The following PARP1 variants were observed in gnomAD, a reference collection of about 807,000 sequenced individuals.
PARP1 encodes the protein poly [ADP-ribose] polymerase 1.
A neutral mutation model predicts 118.7 loss-of-function variants in PARP1; 44 were observed. That is an observed-to-expected ratio of 0.37 (90% CI 0.29 to 0.48). The LOEUF is 0.48. PARP1 is among the 20% of genes least tolerant of loss of function. The pLI is 0.99. For synonymous variants in PARP1, 492 were observed against 483.2 expected, an observed-to-expected ratio of 1.02 and a Z score of -0.24; for missense variants, 1,100 against 1,272.4, an observed-to-expected ratio of 0.86 and a Z score of 2.06.
At chr1:226,367,075 C>T (rs1345829043) in intron 17 of PARP1, 35 of 275,064 alleles carry the variant, frequency 1.3e-4, no homozygotes. Context: ...TCAAGCATTT[C>T]CACTTCTGAA....
At chr1:226,399,976 T>C (rs551316018) in intron 2 of PARP1, among the ~76,000 whole-genome samples, 2 of 150,492 alleles carry the variant, frequency 1.3e-5, no homozygotes, top group Non-Finnish European at 3.0e-5. Context: ...GCACCCCAGC[T>C]TGGGTGACAG....
In PARP1 at chr1:226,402,398, G is replaced by C. The variant is rs760228764; in HGVS notation, c.121-19C>G. ...TGGGCGACTAGAAGGAAGAGAAACA[G>C]AGGGAAGTAAGTAAGCAGTTAACTT... On this transcript the variant is annotated intron_variant, in intron 1 of 22. Transcript: ENST00000366794. 1 of 1,608,960 alleles carries C rather than the reference G, an allele frequency of 6.2e-7. No individual in the cohort carries two copies. Among genetic ancestry groups the C allele is most frequent in the Non-Finnish European group, 8.5e-7 (1 of 1,178,888 alleles).
chr1:226,402,105 T>C (rs1490925178), intron 2 of PARP1, 109 bp downstream of exon 2: 1 of 1,601,152 alleles, frequency 6.2e-7, no homozygotes. Context: ...GATCTGCACA[T>C]GTGGGAGAGG....
chr1:226,386,514 G>T, intron 5 of PARP1, 72 bp from the exon 6 acceptor site: 1 of 984,926 alleles, frequency 1.0e-6, no homozygotes, highest in Non-Finnish European at 1.6e-6. Flanking sequence ...GAGGAGCCCT[G>T]GTCATGCTGA....
chr1:226,385,735 C>T (rs904663824), intron 6 of PARP1, 55 bp from the exon 7 acceptor site: 17 of 1,490,946 alleles, frequency 1.1e-5, no homozygotes, highest in Non-Finnish European at 1.5e-5. Context: ...CAAAAAAGGA[C>T]ACTTACTAAT....
chr1:226,363,466 T>C (rs561215256), intron 20 of PARP1, among the ~76,000 whole-genome samples: 34 of 152,304 alleles, frequency 2.2e-4, no homozygotes, highest in Non-Finnish European at 1.0e-4. Context: ...CCCAGACCCC[T>C]GGCCTTTTAC....
At chr1:226,401,911 G>C in intron 2 of PARP1, 1 of 1,294,952 alleles carries the variant, frequency 7.7e-7, no homozygotes, top group African/African-American at 1.5e-5. Context: ...GGAGGGGGAG[G>C]GGGTACTGGA....
At chr1:226,383,288 T>C in intron 7 of PARP1, 105 bp from the exon 8 acceptor site, 2 of 899,554 alleles carry the variant, frequency 2.2e-6, no homozygotes, top group Non-Finnish European at 3.6e-6. Flanking sequence ...TCTCTTTTTT[T>C]CTTCTTACAA....
intron 3 of PARP1, 135 bp from the exon 4 acceptor site, chr1:226,390,759 G>A (rs1664808391): frequency 2.6e-6 from 2 of 761,164 alleles, no homozygotes; most frequent in African/African-American, 1.7e-5. Context: ...GAAGACTCAT[G>A]AGCTTTTGAG....
chr1:226,361,412 G>A lies in PARP1; in HGVS notation c.*48C>T. ...GTGAGTTGGTGCAGAAGCGCTTCGG[G>A]TGAATTCATACCAGAGCCACCGGGT... On this transcript the variant is annotated 3_prime_UTR_variant, in exon 23 of 23. Coordinates refer to ENST00000366794, the MANE Select transcript of PARP1 (RefSeq NM_001618.4). The A allele has an allele frequency of 7.7e-7, 1 of 1,300,268 alleles. No individual in the cohort carries two copies. Among genetic ancestry groups the A allele is most frequent in the Non-Finnish European group, 1.1e-6 (1 of 896,388 alleles). 80.5% of individuals were successfully genotyped at this position (1,300,268 alleles called of 1,614,324 possible). A position where few individuals can be genotyped will look rare whatever the true frequency, so the allele number is the denominator to read the frequency against.
intron 8 of PARP1, among the ~76,000 whole-genome samples, chr1:226,381,480 C>T (rs193051860): frequency 7.8e-4 from 119 of 152,350 alleles, no homozygotes; most frequent in African/African-American, 2.7e-3. Context: ...TGCGGGTTAC[C>T]CCAGGTCCGC....
intron 2 of PARP1, among the ~76,000 whole-genome samples, chr1:226,393,869 T>C (rs1001454490): frequency 5.3e-5 from 8 of 152,164 alleles, no homozygotes; most frequent in Non-Finnish European, 5.9e-5. Context: ...ATTCCAGATA[T>C]AATACCAAAG....
chr1:226,386,301 C>T (rs1664715325), intron 6 of PARP1, 25 bp downstream of exon 6: 2 of 1,416,806 alleles, frequency 1.4e-6, no homozygotes, highest in Admixed American at 1.7e-5. Flanking sequence ...ACATGCGTGT[C>T]CCACTTAACA....
intron 2 of PARP1, among the ~76,000 whole-genome samples, chr1:226,400,758 G>T (rs538875792): frequency 5.6e-4 from 85 of 152,348 alleles, no homozygotes; most frequent in African/African-American, 2.0e-3. Flanking sequence ...GTCTGGAAGT[G>T]CAGAGAACCA....
intron 17 of PARP1, 100 bp from the exon 18 acceptor site, chr1:226,366,152 C>T: frequency 1.2e-6 from 1 of 812,726 alleles, no homozygotes; most frequent in Non-Finnish European, 2.1e-6. Flanking sequence ...ACACCACACT[C>T]CTCAAAGGAA....
intron 2 of PARP1, chr1:226,392,832 T>C: frequency 1.8e-6 from 2 of 1,092,196 alleles, no homozygotes; most frequent in Non-Finnish European, 2.6e-6. Flanking sequence ...TAAAGAGTTC[T>C]GGGGATCACT....
intron 1 of PARP1, among the ~76,000 whole-genome samples, chr1:226,405,029 C>A (rs541111173): frequency 6.6e-6 from 1 of 152,200 alleles, no homozygotes; most frequent in Non-Finnish European, 1.5e-5. Context: ...ATGCCCCAGG[C>A]ATGAGGGCTA....
intron 2 of PARP1, chr1:226,393,023 A>T: frequency 6.6e-7 from 1 of 1,507,384 alleles, no homozygotes; most frequent in East Asian, 2.5e-5. Flanking sequence ...ACAAGGTGTA[A>T]GTTTGGAAAA....
rs146527463 is a variant in PARP1 at position 226,392,044 on chromosome 1, G to A, written c.402+155C>T. 2.1e-3 allele frequency among the ~76,000 whole-genome samples: 322 copies of A among 152,324 alleles called. 2 individuals carry two copies. Among genetic ancestry groups the A allele is most frequent in the African/African-American group, 7.5e-3 (312 of 41,570 alleles). Reference sequence around the variant, plus strand: ...CCAGACCTGTCTGGAAGTCACTGACGTATCTGGTCAATACTAATGTCTTCA... The same window carrying A: ...CCAGACCTGTCTGGAAGTCACTGACATATCTGGTCAATACTAATGTCTTCA... On this transcript the variant is annotated intron_variant, in intron 3 of 22. Coordinates refer to ENST00000366794, the MANE Select transcript of PARP1 (RefSeq NM_001618.4).
Sources: allele counts gnomAD v4.1 joint callset (sites outside exome capture counted in the v4.1 genomes callset), GRCh38; gene constraint gnomAD v4.1.1; transcripts MANE v1.5; gene names NCBI Gene and HGNC (gene_info 2026-07-23, HGNC 2026-07-21).